Variants in RORA observed in about 807,000 individuals in gnomAD.
The protein encoded by RORA is RAR related orphan receptor A, also known as nuclear receptor ROR-alpha.
A neutral mutation model predicts 69.5 loss-of-function variants in RORA; 7 were observed. That is an observed-to-expected ratio of 0.10 (90% CI 0.06 to 0.19). RORA has a LOEUF of 0.19. Ranked by LOEUF, RORA falls within the 10% of genes least tolerant of loss-of-function variation. The pLI is 1.00. For missense variants in RORA, 457 were observed against 663.0 expected (o/e 0.69, Z 3.41); for synonymous variants, 261 against 240.8 (o/e 1.08, Z -0.78).
At chr15:60,836,434 C>T (rs1443795724) in intron 1 of RORA, among the ~76,000 whole-genome samples, 2 of 152,164 alleles carry the variant, frequency 1.3e-5, no homozygotes, top group Non-Finnish European at 2.9e-5. Flanking sequence ...CAGACTCCTC[C>T]CTCTCTGCCT....
intron 1 of RORA, among the ~76,000 whole-genome samples, chr15:61,119,709 CCA>C (rs2079085336): frequency 6.6e-6 from 1 of 152,190 alleles, no homozygotes; most frequent in African/African-American, 2.4e-5. Context: ...CTGTCCCCAA[CCA>C]CAGTTATTCT....
At chr15:61,041,450 T>A (rs2140471418) in intron 1 of RORA, among the ~76,000 whole-genome samples, 1 of 152,336 alleles carries the variant, frequency 6.6e-6, no homozygotes, top group Non-Finnish European at 1.5e-5. Context: ...TTGTCGAGCA[T>A]CCATTGACAA....
At chr15:61,188,121 C>T (rs2079761926) in intron 1 of RORA, among the ~76,000 whole-genome samples, 1 of 152,148 alleles carries the variant, frequency 6.6e-6, no homozygotes, top group African/African-American at 2.4e-5. Flanking sequence ...ATGACCCAAC[C>T]CCAAGCTGTC....
At chr15:60,980,718 G>A (rs781621237) in intron 1 of RORA, among the ~76,000 whole-genome samples, 1 of 151,796 alleles carries the variant, frequency 6.6e-6, no homozygotes, top group Non-Finnish European at 1.5e-5. Context: ...TAAAATTGGT[G>A]GTAATGCCCT....
At position 60,496,760 on chromosome 15, in the gene RORA, C is replaced by T. The variant is rs941332352; in HGVS notation, c.*695G>A. 4.6e-5 allele frequency: 7 copies of T among 152,200 alleles called. No homozygotes were observed. Among genetic ancestry groups the T allele is most frequent in the Non-Finnish European group, 8.8e-5 (6 of 68,050 alleles). The allele number at this position is 152,200 out of a possible 1,614,324, so 9.4% of individuals were successfully genotyped here. ...TGCACATGCGACACGACAGTGAACA[C>T]GCTAGCATTTAATTTAAAGAAAAAG... On this transcript the variant is annotated 3_prime_UTR_variant, in exon 11 of 11. Transcript: ENST00000335670. This position sits in a 1 kb window ranked among gnomAD's most constrained non-coding sequence, Gnocchi z 4.5.
intron 1 of RORA, among the ~76,000 whole-genome samples, chr15:61,115,219 T>G (rs2079040533): frequency 6.6e-6 from 1 of 152,124 alleles, no homozygotes; most frequent in African/African-American, 2.4e-5. Flanking sequence ...TTCGCATCCT[T>G]TAATTTGGCT....
intron 2 of RORA, among the ~76,000 whole-genome samples, chr15:60,588,136 A>T (rs754269054): frequency 7.2e-5 from 11 of 152,184 alleles, no homozygotes; most frequent in Non-Finnish European, 1.5e-4. Flanking sequence ...TCAAATGTCA[A>T]TTCACACCTG....
intron 1 of RORA, among the ~76,000 whole-genome samples, chr15:60,826,958 C>G (rs2072971948): frequency 6.6e-6 from 1 of 152,142 alleles, no homozygotes; most frequent in Non-Finnish European, 1.5e-5. Context: ...TTAGAATTAG[C>G]AGCATCTTAG....
chr15:60,914,391 G>A (rs1891811325), intron 1 of RORA, among the ~76,000 whole-genome samples: 1 of 152,122 alleles, frequency 6.6e-6, no homozygotes, highest in Non-Finnish European at 1.5e-5. Flanking sequence ...GTGAGAACCA[G>A]GCAGCCACTC....
At chr15:60,940,982 A>G (rs928745912) in intron 1 of RORA, among the ~76,000 whole-genome samples, 3 of 152,332 alleles carry the variant, frequency 2.0e-5, no homozygotes, top group Admixed American at 2.0e-4. Context: ...AGGAAAACAA[A>G]TGTTGACCAA....
intron 2 of RORA, among the ~76,000 whole-genome samples, chr15:60,607,184 G>A (rs932703981): frequency 6.6e-6 from 1 of 152,128 alleles, no homozygotes; most frequent in East Asian, 1.9e-4. Context: ...TTTAGCATAG[G>A]GGCAAAGAGC....
intron 2 of RORA, among the ~76,000 whole-genome samples, chr15:60,584,847 G>A (rs933962550): frequency 6.6e-6 from 1 of 152,028 alleles, no homozygotes; most frequent in Non-Finnish European, 1.5e-5. Context: ...TTTGTAAAAC[G>A]GTTGGCTTCA....
At chr15:60,741,041 C>T (rs7178643) in intron 1 of RORA, among the ~76,000 whole-genome samples, 1 of 152,192 alleles carries the variant, frequency 6.6e-6, no homozygotes, top group Non-Finnish European at 1.5e-5. Context: ...AGTGGCAATG[C>T]TGTGGTTTAG....
intron 1 of RORA, among the ~76,000 whole-genome samples, chr15:60,778,024 T>C (rs1364106202): frequency 1.3e-5 from 2 of 152,200 alleles, no homozygotes; most frequent in Non-Finnish European, 2.9e-5. Context: ...TTCTAGTGTA[T>C]AGACTCAATT....
At chr15:60,701,245 T>C (rs2070977222) in intron 1 of RORA, among the ~76,000 whole-genome samples, 1 of 152,230 alleles carries the variant, frequency 6.6e-6, no homozygotes, top group South Asian at 2.1e-4. Context: ...AATAGCTTCT[T>C]GGAAAATATC....
intron 1 of RORA, among the ~76,000 whole-genome samples, chr15:61,026,190 C>T (rs565907201): frequency 1.1e-4 from 17 of 152,278 alleles, no homozygotes; most frequent in African/African-American, 3.6e-4. Context: ...ACTCATCCAT[C>T]GTTGTTAAAA....
At chr15:60,571,582 G>C (rs1290174143) in intron 2 of RORA, among the ~76,000 whole-genome samples, 1 of 152,134 alleles carries the variant, frequency 6.6e-6, no homozygotes, top group East Asian at 1.9e-4. Flanking sequence ...CTTAGATGAA[G>C]CATGAACTAT....
intron 1 of RORA, 86 bp downstream of exon 1, chr15:61,228,967 G>T: frequency 1.6e-6 from 1 of 615,810 alleles, no homozygotes; most frequent in Non-Finnish European, 2.0e-6. Flanking sequence ...GCCGGACCCC[G>T]CGCCCCGGGC....
intron 1 of RORA, among the ~76,000 whole-genome samples, chr15:60,715,218 CCTA>C (rs2071204051): frequency 5.3e-5 from 8 of 152,146 alleles, no homozygotes; most frequent in Non-Finnish European, 1.2e-4. Flanking sequence ...CATGGGAAGA[CCTA>C]CAAGGAGCAG....
Sources: allele counts gnomAD v4.1 joint callset (sites outside exome capture counted in the v4.1 genomes callset), GRCh38; gene constraint gnomAD v4.1.1; non-coding constraint Gnocchi (gnomAD v3.1); transcripts MANE v1.5; gene names NCBI Gene and HGNC (gene_info 2026-07-23, HGNC 2026-07-21).